The following ZNF385D variants were observed in gnomAD, a reference collection of about 807,000 sequenced individuals.
The protein encoded by ZNF385D is zinc finger protein 659.
In ZNF385D, 15 loss-of-function variants were observed where a neutral mutation model predicts 35.8. The ratio of observed to expected loss-of-function variants is 0.42; its 90% confidence interval spans 0.28 to 0.64. The LOEUF (loss-of-function observed/expected upper bound fraction) is 0.64, where lower values mean the gene tolerates loss of function less well. ZNF385D is among the 30% of genes least tolerant of loss of function. The pLI is 0.23. For missense variants in ZNF385D, 474 were observed against 494.6 expected, an observed-to-expected ratio of 0.96 and a Z score of 0.39; for synonymous variants, 212 against 186.8, an observed-to-expected ratio of 1.13 and a Z score of -1.10.
intron 3 of ZNF385D, among the ~76,000 whole-genome samples, chr3:22,093,163 G>A (rs1485498748): frequency 1.3e-5 from 2 of 150,094 alleles, no homozygotes; most frequent in African/African-American, 2.4e-5. Context: ...ACACCCTGAG[G>A]AAAAAAAAAG....
chr3:21,570,928 C>A (rs531701961), intron 2 of ZNF385D, among the ~76,000 whole-genome samples: 1 of 152,232 alleles, frequency 6.6e-6, no homozygotes, highest in South Asian at 2.1e-4. Flanking sequence ...CACATTCATA[C>A]GTTAAAAAAC....
intron 1 of ZNF385D, among the ~76,000 whole-genome samples, chr3:21,670,393 G>A (rs1033812758): frequency 4.0e-4 from 61 of 151,858 alleles, no homozygotes; most frequent in East Asian, 3.3e-3. Context: ...ATCATACAGA[G>A]CATTTTGTAT....
intron 2 of ZNF385D, among the ~76,000 whole-genome samples, chr3:22,363,893 C>G (rs1168203331): frequency 6.6e-6 from 1 of 152,114 alleles, no homozygotes; most frequent in East Asian, 1.9e-4. Context: ...TCCTAGGTAA[C>G]CAACACCCCA....
rs544098667 is a variant in ZNF385D at position 21,521,955 on chromosome 3, T to C, written c.277-10932A>G. On this transcript the variant is annotated intron_variant, in intron 3 of 7. Transcript: ENST00000281523. ...GCTTCACCAAATTCAGTAAGATAAATTATGTCGAAGTATCTATGGCTTCTT... is the reference window on the plus strand; with the variant it reads ...GCTTCACCAAATTCAGTAAGATAAACTATGTCGAAGTATCTATGGCTTCTT... Among the ~76,000 whole-genome samples, 7 of 152,132 alleles carry C rather than the reference T, an allele frequency of 4.6e-5. No homozygotes were observed. The East Asian group carries it at 1.4e-3, about 29-fold the overall frequency.
At chr3:21,796,143 G>A (rs13093354) in intron 3 of ZNF385D, among the ~76,000 whole-genome samples, 28,418 of 151,962 alleles carry the variant, frequency 0.19, 2,971 homozygotes, top group East Asian at 0.37. Flanking sequence ...AGATTTTCCT[G>A]TTTCCTTGGA....
intron 2 of ZNF385D, among the ~76,000 whole-genome samples, chr3:22,243,596 G>T (rs554103651): frequency 3.3e-5 from 5 of 151,118 alleles, no homozygotes; most frequent in African/African-American, 1.2e-4. Flanking sequence ...TATGACAATG[G>T]AAATGCCATG....
At chr3:22,024,740 A>G (rs958053678) in intron 3 of ZNF385D, among the ~76,000 whole-genome samples, 5 of 152,168 alleles carry the variant, frequency 3.3e-5, no homozygotes, top group Non-Finnish European at 7.3e-5. Flanking sequence ...GACTCTATAC[A>G]TAATATTTTT....
intron 3 of ZNF385D, among the ~76,000 whole-genome samples, chr3:21,820,158 A>C (rs1335466704): frequency 6.6e-6 from 1 of 151,802 alleles, no homozygotes; most frequent in Non-Finnish European, 1.5e-5. Context: ...AAACAGGAGA[A>C]TATACTTCTT....
chr3:21,430,666 C>G (rs967171440), intron 5 of ZNF385D, among the ~76,000 whole-genome samples: 1 of 152,098 alleles, frequency 6.6e-6, no homozygotes, highest in Non-Finnish European at 1.5e-5. Flanking sequence ...ATAGAAAACA[C>G]TAAGGCTCTA....
At chr3:22,203,427 A>T (rs1174218136) in intron 2 of ZNF385D, among the ~76,000 whole-genome samples, 1 of 152,140 alleles carries the variant, frequency 6.6e-6, no homozygotes, top group Non-Finnish European at 1.5e-5. Flanking sequence ...CCGGCTTCAA[A>T]GTTGTGGTGG....
rs947030413 is a variant in ZNF385D, at chr3:22,037,881, T to C, written c.325+130936A>G. 6.6e-5 allele frequency among the ~76,000 whole-genome samples: 10 copies of C among 152,250 alleles called. No homozygotes were observed. In the South Asian group the frequency reaches 2.1e-3, roughly 32 times the overall value. On this transcript the variant is annotated intron_variant, in intron 3 of 5. Coordinates refer to the ZNF385D transcript ENST00000494108. ...CATGGTACTGGTACCAAAACAGAGA[T>C]ATAGACCAATGGAACAGAACAGAGC...
intron 2 of ZNF385D, among the ~76,000 whole-genome samples, chr3:21,636,533 C>A (rs904373383): frequency 2.2e-4 from 33 of 151,074 alleles, no homozygotes; most frequent in Admixed American, 1.9e-3. Context: ...TGGAGTCTGA[C>A]GTTCAAGGGC....
intron 2 of ZNF385D, among the ~76,000 whole-genome samples, chr3:22,222,691 G>A (rs1188184470): frequency 1.3e-5 from 2 of 152,112 alleles, no homozygotes; most frequent in African/African-American, 4.8e-5. Flanking sequence ...CTTCCATAGT[G>A]TAAAAGCCAA....
At chr3:22,148,017 A>G (rs11717666) in intron 3 of ZNF385D, among the ~76,000 whole-genome samples, 7,003 of 152,276 alleles carry the variant, frequency 0.046, 235 homozygotes, top group Non-Finnish European at 0.065. Flanking sequence ...TAATTGCTTT[A>G]TAACTCCTTA....
At chr3:22,145,958 A>C (rs564572759) in intron 3 of ZNF385D, among the ~76,000 whole-genome samples, 1 of 152,308 alleles carries the variant, frequency 6.6e-6, no homozygotes, top group East Asian at 1.9e-4. Flanking sequence ...TGTGATTATT[A>C]ACAGCAACAG....
intron 3 of ZNF385D, among the ~76,000 whole-genome samples, chr3:22,107,582 C>A (rs1299823499): frequency 2.0e-5 from 3 of 151,990 alleles, no homozygotes; most frequent in African/African-American, 7.2e-5. Context: ...CTACAAATTA[C>A]ATAATTTTAT....
At chr3:22,031,245 T>C (rs557008043) in intron 3 of ZNF385D, among the ~76,000 whole-genome samples, 1 of 152,352 alleles carries the variant, frequency 6.6e-6, no homozygotes, top group East Asian at 1.9e-4. Flanking sequence ...TTCTAGGCAG[T>C]GCCCCAGTAG....
At chr3:21,850,657 T>C (rs753275420) in intron 3 of ZNF385D, among the ~76,000 whole-genome samples, 33 of 152,036 alleles carry the variant, frequency 2.2e-4, no homozygotes, top group Non-Finnish European at 4.7e-4. Flanking sequence ...AAGTTAGAAA[T>C]TGAACAGAAC....
chr3:21,886,128 T>G (rs1320122031), intron 3 of ZNF385D, among the ~76,000 whole-genome samples: 1 of 152,170 alleles, frequency 6.6e-6, no homozygotes, highest in Non-Finnish European at 1.5e-5. Flanking sequence ...ATAATTTTTC[T>G]TACAGTATCA....
Sources: gnomAD v4.1 joint callset for allele counts (sites outside exome capture counted in the v4.1 genomes callset) on GRCh38, gnomAD v4.1.1 for gene constraint, MANE v1.5 for transcripts, NCBI Gene and HGNC (gene_info 2026-07-23, HGNC 2026-07-21) for gene names.